Variants in NAV3 observed in about 807,000 individuals in gnomAD.
NAV3 encodes pore membrane and/or filament interacting like protein 1.
A neutral mutation model predicts 244.7 loss-of-function variants in NAV3; 87 were observed. The observed-to-expected ratio is 0.36, with a 90% CI of 0.30 to 0.42. NAV3 has a LOEUF of 0.42. NAV3 is among the 20% of genes least tolerant of loss of function. The pLI is 1.00. For missense variants in NAV3, 2,663 were observed against 2,893.3 expected, an observed-to-expected ratio of 0.92 and a Z score of 1.83; for synonymous variants, 1,126 against 1,042.2, an observed-to-expected ratio of 1.08 and a Z score of -1.55.
chr12:77,954,477 T>C lies in NAV3; in HGVS notation c.415-11752T>C, dbSNP rs542753848. Among the ~76,000 whole-genome samples, 43 of 152,332 alleles carry C rather than the reference T, an allele frequency of 2.8e-4. 1 individual carries two copies. Among genetic ancestry groups the C allele is most frequent in the Admixed American group, 1.0e-3 (16 of 15,288 alleles). Reference sequence around the variant, plus strand: ...GCTCCTCATTAATTGTGTAAGCTTATATAAACTATGCTATCTCTCTGAGCC... The same window carrying C: ...GCTCCTCATTAATTGTGTAAGCTTACATAAACTATGCTATCTCTCTGAGCC... On this transcript the variant is annotated intron_variant, in intron 3 of 39. Transcript: ENST00000397909.
At chr12:77,622,761 A>G (rs915079386) in intron 2 of NAV3, among the ~76,000 whole-genome samples, 1 of 152,146 alleles carries the variant, frequency 6.6e-6, no homozygotes, top group African/African-American at 2.4e-5. Context: ...TAATTTTGAT[A>G]TAGAGAATTT....
chr12:77,865,764 A>G (rs555030341), intron 1 of NAV3, among the ~76,000 whole-genome samples: 238 of 146,708 alleles, frequency 1.6e-3, no homozygotes, highest in African/African-American at 5.5e-3. Context: ...ATATACACAT[A>G]TACTACATAT....
At chr12:77,817,739 G>A (rs576946592) in intron 2 of NAV3, among the ~76,000 whole-genome samples, 29 of 152,020 alleles carry the variant, frequency 1.9e-4, no homozygotes, top group Admixed American at 1.2e-3. Context: ...CCATATGCTC[G>A]TTATGTAAGA....
chr12:77,903,330 A>G (rs1407154430), intron 1 of NAV3, among the ~76,000 whole-genome samples: 1 of 152,176 alleles, frequency 6.6e-6, no homozygotes, highest in Non-Finnish European at 1.5e-5. Context: ...AGCCCTCAGA[A>G]ATAATGCCGC....
intron 12 of NAV3, among the ~76,000 whole-genome samples, chr12:78,062,167 A>G (rs1884417594): frequency 6.6e-6 from 1 of 152,168 alleles, no homozygotes; most frequent in African/African-American, 2.4e-5. Flanking sequence ...AATGTAGAAT[A>G]ATATCCAATC....
At position 77,658,136 on chromosome 12, in the gene NAV3, G is replaced by C. The variant is rs12297324; in HGVS notation, c.72+85870G>C. Among the ~76,000 whole-genome samples, 1,308 of 152,128 alleles carry C rather than the reference G, an allele frequency of 8.6e-3. 11 individuals are homozygous for C. The highest frequency in any genetic ancestry group is 0.03 in the African/African-American group (1,236 of 41,518). Reference sequence around the variant, plus strand: ...AATTAGGCAGGAGAAAGAAATAAAGGGTATTCAATTAGGAAAAGAGGAAGT... The same window carrying C: ...AATTAGGCAGGAGAAAGAAATAAAGCGTATTCAATTAGGAAAAGAGGAAGT... On this transcript the variant is annotated intron_variant, in intron 2 of 8. Coordinates refer to the NAV3 transcript ENST00000550042.
chr12:77,683,599 G>C (rs1237946021), intron 2 of NAV3, among the ~76,000 whole-genome samples: 3 of 152,080 alleles, frequency 2.0e-5, no homozygotes, highest in Non-Finnish European at 4.4e-5. Flanking sequence ...TGAATCTGTA[G>C]ATCGCTTTGG....
At chr12:77,625,170 T>A (rs941691513) in intron 2 of NAV3, among the ~76,000 whole-genome samples, 2 of 152,178 alleles carry the variant, frequency 1.3e-5, no homozygotes, top group Non-Finnish European at 2.9e-5. Flanking sequence ...ATAAAACTAA[T>A]ATATATGTAT....
At position 78,122,441 on chromosome 12, in the gene NAV3, G is replaced by A; in HGVS notation, c.4238+13G>A. 1 of 1,567,696 alleles carries A rather than the reference G, an allele frequency of 6.4e-7. No individual in the cohort carries two copies. The highest frequency in any genetic ancestry group is 2.2e-5 in the East Asian group (1 of 44,608). The stretch of plus-strand genomic sequence containing the variant: ...CTCTCTCAGAAAGGTGAGCTTTCCT[G>A]GAGGCATTGATAACATCTTCCCCCT... On this transcript the variant is annotated intron_variant, in intron 16 of 39. Transcript: ENST00000397909.
At chr12:78,190,715 C>A (rs1474556133) in intron 34 of NAV3, among the ~76,000 whole-genome samples, 1 of 152,064 alleles carries the variant, frequency 6.6e-6, no homozygotes, top group African/African-American at 2.4e-5. Flanking sequence ...TATGTCACAT[C>A]TCCCTAAAAT....
intron 28 of NAV3, 41 bp downstream of exon 28, chr12:78,177,726 G>A (rs766642298): frequency 1.6e-5 from 25 of 1,562,326 alleles, no homozygotes; most frequent in Non-Finnish European, 2.0e-5. Flanking sequence ...AAAGATCCAG[G>A]TTCTAACCTA....
intron 1 of NAV3, among the ~76,000 whole-genome samples, chr12:77,901,531 GA>G (rs1304850065): frequency 6.6e-6 from 1 of 151,954 alleles, no homozygotes; most frequent in Non-Finnish European, 1.5e-5. Flanking sequence ...CCAACATGGT[GA>G]AACCCCATCG....
chr12:77,942,645 C>T (rs1889984234), intron 3 of NAV3, among the ~76,000 whole-genome samples: 1 of 152,046 alleles, frequency 6.6e-6, no homozygotes, highest in Non-Finnish European at 1.5e-5. Context: ...GACCTTGATA[C>T]AGTAATAAGC....
chr12:78,129,711 CA>C (rs1220492655), intron 18 of NAV3, among the ~76,000 whole-genome samples: 1 of 151,918 alleles, frequency 6.6e-6, no homozygotes, highest in Admixed American at 6.6e-5. Flanking sequence ...ATTAGTTTAT[CA>C]GAAAAACTTG....
intron 14 of NAV3, 120 bp from the exon 15 acceptor site, chr12:78,119,116 GA>G: frequency 9.2e-7 from 1 of 1,085,978 alleles, no homozygotes; most frequent in Admixed American, 2.3e-5. Context: ...TTTGATCTAA[GA>G]CAATACATTT....
intron 2 of NAV3, among the ~76,000 whole-genome samples, chr12:77,604,846 A>G (rs540416475): frequency 6.6e-6 from 1 of 152,242 alleles, no homozygotes; most frequent in Admixed American, 6.5e-5. Context: ...TCTGCATAGA[A>G]CTGTACTTTT....
intron 20 of NAV3, among the ~76,000 whole-genome samples, chr12:78,140,755 T>A (rs980788307): frequency 6.6e-6 from 1 of 152,142 alleles, no homozygotes; most frequent in African/African-American, 2.4e-5. Flanking sequence ...TTAAGTTTAT[T>A]GTTGAGAGGA....
intron 2 of NAV3, among the ~76,000 whole-genome samples, chr12:77,615,197 T>C (rs985347265): frequency 6.6e-6 from 1 of 152,224 alleles, no homozygotes; most frequent in Non-Finnish European, 1.5e-5. Flanking sequence ...TATTTTGTAA[T>C]TAGAAAAATT....
At chr12:77,681,717 C>T (rs10161157) in intron 2 of NAV3, among the ~76,000 whole-genome samples, 8,375 of 152,138 alleles carry the variant, frequency 0.055, 532 homozygotes, top group African/African-American at 0.16. Context: ...TAAGTGTATG[C>T]TTTGATGAGT....
Sources: gnomAD v4.1 joint callset for allele counts (sites outside exome capture counted in the v4.1 genomes callset) on GRCh38, gnomAD v4.1.1 for gene constraint, MANE v1.5 for transcripts, NCBI Gene and HGNC (gene_info 2026-07-23, HGNC 2026-07-21) for gene names.